The following OTUD5 variants were observed in gnomAD, a reference collection of about 807,000 sequenced individuals.
The protein encoded by OTUD5 is OTU deubiquitinase 5, also known as OTU domain-containing protein 5.
A neutral mutation model predicts 36.3 loss-of-function variants in OTUD5; 2 were observed. The ratio of observed to expected loss-of-function variants is 0.06; its 90% CI spans 0.02 to 0.17. The LOEUF (loss-of-function observed/expected upper bound fraction) is 0.17, where lower values mean the gene tolerates loss of function less well. OTUD5 is among the 10% of genes least tolerant of loss of function. The probability of loss-of-function intolerance (pLI) is 1.00; values close to 1 mark genes in which losing one functional copy is unlikely to be tolerated. For missense variants in OTUD5, 233 were observed against 512.3 expected, an observed-to-expected ratio of 0.45 and a Z score of 5.26; for synonymous variants, 234 against 214.9, an observed-to-expected ratio of 1.09 and a Z score of -0.78.
chrX:48,929,240 T>C (rs1253438811), intron 5 of OTUD5, among the ~76,000 whole-genome samples: 3 of 108,130 alleles, frequency 2.8e-5, no homozygotes, highest in Non-Finnish European at 5.7e-5. Context: ...TCAAAAAAAT[T>C]AGCTGGGCGT....
chrX:48,947,707 G>GA (rs782359236), intron 1 of OTUD5, among the ~76,000 whole-genome samples: 100 of 84,314 alleles, frequency 1.2e-3, no homozygotes, highest in Admixed American at 2.1e-3. Flanking sequence ...CTGTCTCAAG[G>GA]AAAAAAAAAA....
chrX:48,951,338 G>A (rs2064138627), intron 1 of OTUD5, among the ~76,000 whole-genome samples: 1 of 112,468 alleles, frequency 8.9e-6, no homozygotes, highest in East Asian at 2.8e-4. Flanking sequence ...CAGGGGGCCA[G>A]GCGTGGTGGC....
chrX:48,950,323 C>G (rs1557053491), intron 1 of OTUD5, among the ~76,000 whole-genome samples: 1 of 109,952 alleles, frequency 9.1e-6, no homozygotes, highest in African/African-American at 3.3e-5. Flanking sequence ...ACCACATATA[C>G]AGAGAAGGCG....
chrX:48,923,882 A>T lies in OTUD5; in HGVS notation c.1434T>A (p.Ala478=). Residue 478 remains alanine, a synonymous_variant, in exon 7 of 9, where the codon GCT becomes GCA. Transcript: ENST00000376488. ...CACAGGGCGAAGGAGGTTTGGCAAG[A>T]GCTAAAACAGTGCCTGGGGAAGGGG... The part of the protein sequence containing the change: ...MKPPSPGTVL[A]LAKPPSPCAP... 7.4e-6 allele frequency: 9 copies of T among 1,211,902 alleles called. No individual in the cohort carries two copies. Among genetic ancestry groups the T allele is most frequent in the Non-Finnish European group, 1.0e-5 (9 of 895,444 alleles).
chrX:48,935,951 A>C (rs1030074142), intron 2 of OTUD5, among the ~76,000 whole-genome samples: 9 of 107,734 alleles, frequency 8.4e-5, no homozygotes, highest in African/African-American at 3.0e-4. Context: ...AAAAAAAAAA[A>C]AAAAAAAAAA....
chrX:48,951,492 G>A (rs781826320), intron 1 of OTUD5, among the ~76,000 whole-genome samples: 1 of 112,101 alleles, frequency 8.9e-6, no homozygotes, highest in East Asian at 2.8e-4. Context: ...GCAGGCACCT[G>A]TAGTTCCAGC....
chrX:48,956,670 G>A (rs1557055374), intron 1 of OTUD5, among the ~76,000 whole-genome samples: 1 of 111,277 alleles, frequency 9.0e-6, no homozygotes, highest in African/African-American at 3.3e-5. Context: ...GATCCTACCT[G>A]TATCTCTTGG....
chrX:48,940,644 G>C (rs369920733), intron 2 of OTUD5: 2 of 112,093 alleles, frequency 1.8e-5, no homozygotes, highest in East Asian at 5.6e-4. Context: ...CCTGGTCAGG[G>C]TTAGAGGTTT....
chrX:48,938,743 T>G (rs1311012010), intron 2 of OTUD5, among the ~76,000 whole-genome samples: 1 of 111,275 alleles, frequency 9.0e-6, no homozygotes, highest in Non-Finnish European at 1.9e-5. Flanking sequence ...GCTCCACCTC[T>G]GTCCTCCAGA....
chrX:48,950,717 C>G (rs989674036), intron 1 of OTUD5, among the ~76,000 whole-genome samples: 7 of 108,208 alleles, frequency 6.5e-5, no homozygotes, highest in Non-Finnish European at 1.1e-4. Flanking sequence ...GCACCCACCA[C>G]CACACCCAGC....
intron 1 of OTUD5, among the ~76,000 whole-genome samples, chrX:48,956,160 G>C (rs2064234291): frequency 1.8e-5 from 2 of 112,177 alleles, no homozygotes; most frequent in Non-Finnish European, 3.8e-5. Flanking sequence ...AGGAAATGCA[G>C]ACCTTTGTCA....
intron 5 of OTUD5, among the ~76,000 whole-genome samples, chrX:48,932,316 T>TA (rs1557049032): frequency 2.7e-5 from 3 of 109,954 alleles, no homozygotes; most frequent in Non-Finnish European, 5.7e-5. Flanking sequence ...TACAAAAACT[T>TA]AAAACATTCA....
chrX:48,943,846 C>T (rs1279054900), intron 2 of OTUD5, among the ~76,000 whole-genome samples: 2 of 111,326 alleles, frequency 1.8e-5, no homozygotes, highest in Non-Finnish European at 3.8e-5. Flanking sequence ...CACCCACCAT[C>T]TCTGAGCCAC....
chrX:48,947,019 T>C (rs1409152853), intron 1 of OTUD5, among the ~76,000 whole-genome samples: 2 of 111,529 alleles, frequency 1.8e-5, no homozygotes, highest in African/African-American at 6.5e-5. Context: ...AGCAGAGGGG[T>C]AGGGAAACAG....
chrX:48,957,398 C>T lies in OTUD5; in HGVS notation c.173G>A (p.Gly58Glu). 9.1e-7 allele frequency: 1 copy of T among 1,098,793 alleles called. No individual in the cohort carries two copies. Among genetic ancestry groups the T allele is most frequent in the Admixed American group, 3.2e-5 (1 of 31,128 alleles). 90.6% of individuals were successfully genotyped at this position (1,098,793 alleles called of 1,213,427 possible). The stretch of plus-strand genomic sequence containing the variant: ...CGGTGGCGAAGCTCGCGGACGGGCC[C>T]CCACGACGCCGGAGTCACGGTCGCG... Reference protein sequence around the residue: ...GDRDRDSGVVGARPRASPPPQ... With the variant: ...GDRDRDSGVVEARPRASPPPQ... The change falls in exon 1 of 9, where the codon GGG becomes GAG. Residue 58 changes from glycine (G) to glutamate (E), a missense_variant. By Grantham distance (98) the Gly-to-Glu change is moderately conservative. Coordinates refer to ENST00000376488, the MANE Select transcript of OTUD5 (RefSeq NM_001136157.2).
intron 5 of OTUD5, among the ~76,000 whole-genome samples, chrX:48,932,029 AT>A (rs1334688255): frequency 9.4e-6 from 1 of 106,165 alleles, no homozygotes; most frequent in Non-Finnish European, 1.9e-5. Context: ...GGTGCCTGTA[AT>A]CCCAGCTACT....
intron 1 of OTUD5, among the ~76,000 whole-genome samples, chrX:48,947,661 C>G (rs1281599179): frequency 9.3e-6 from 1 of 107,098 alleles, no homozygotes; most frequent in African/African-American, 3.4e-5. Context: ...CAAGATCGCA[C>G]CATTGCACTC....
Position 48,923,972 on chromosome X carries a change from C to T in OTUD5, c.1344G>A (p.Pro448=), listed in dbSNP as rs782068554. ...SGLEEWTSRS[P]RQRSSASSPE... ...GTGACGAGGCTGAACTCCGCTGCCGCGGGGACCGGCTAGTCCACTCCTCCA... is the reference window on the plus strand; with the variant it reads ...GTGACGAGGCTGAACTCCGCTGCCGTGGGGACCGGCTAGTCCACTCCTCCA... The change falls in exon 7 of 9, where the codon CCG becomes CCA. Residue 448 remains proline, a synonymous_variant. Transcript: ENST00000376488. The T allele has an allele frequency of 2.5e-6, 3 of 1,209,502 alleles. No homozygotes were observed. Among genetic ancestry groups the T allele is most frequent in the East Asian group, 3.0e-5 (1 of 33,731 alleles).
In OTUD5 at chrX:48,923,727, C is replaced by T; in HGVS notation, c.1485G>A (p.Ser495=). ...PCAPGTSSQF[S]AGADRATSPL... ...GGGAAGTTGCCCGGTCGGCCCCTGC[C>T]GAGAACTGACTGCTTGTACCTGAAG... Residue 495 remains serine (S), a synonymous_variant, in exon 8 of 9, where the codon TCG becomes TCA. Coordinates refer to ENST00000376488, the MANE Select transcript of OTUD5 (RefSeq NM_001136157.2). The T allele has an allele frequency of 2.5e-6, 3 of 1,205,395 alleles. No individual in the cohort carries two copies. Among genetic ancestry groups the T allele is most frequent in the African/African-American group, 1.7e-5 (1 of 57,727 alleles).
Sources: gnomAD v4.1 joint callset for allele counts (sites outside exome capture counted in the v4.1 genomes callset) on GRCh38, gnomAD v4.1.1 for gene constraint, MANE v1.5 for transcripts, NCBI Gene and HGNC (gene_info 2026-07-23, HGNC 2026-07-21) for gene names.